Variants in UBE3D observed in about 807,000 individuals in gnomAD.
The protein encoded by UBE3D is E3 ubiquitin-protein ligase E3D.
Under a neutral mutation model 49.6 loss-of-function variants are expected in UBE3D, and 48 were observed. The observed-to-expected ratio is 0.97, with a 90% CI of 0.77 to 1.23. UBE3D has a LOEUF of 1.23. Ranked by LOEUF, UBE3D falls within the 50% of genes most tolerant of loss-of-function variation. The pLI is 0.00. For synonymous variants in UBE3D, 189 were observed against 174.2 expected (o/e 1.08, Z -0.67); for missense variants, 452 against 468.4 (o/e 0.96, Z 0.32).
chr6:83,038,564 A>C, intron 4 of UBE3D, 79 bp from the exon 5 acceptor site: 1 of 1,229,838 alleles, frequency 8.1e-7, no homozygotes, highest in South Asian at 1.3e-5. Context: ...TAGTCCCCAG[A>C]GTATACATTG....
intron 5 of UBE3D, chr6:83,032,227 T>A (rs935149015): frequency 1.3e-5 from 6 of 456,052 alleles, no homozygotes; most frequent in African/African-American, 1.2e-4. Flanking sequence ...TGAAAGAAGC[T>A]GGGTGGGGCC....
intron 8 of UBE3D, among the ~76,000 whole-genome samples, chr6:83,000,749 A>G (rs1384239036): frequency 1.3e-5 from 2 of 151,098 alleles, no homozygotes; most frequent in East Asian, 3.9e-4. Flanking sequence ...TGACCTTCCC[A>G]TCCCTTGTAC....
chr6:83,023,930 A>C, intron 6 of UBE3D, 39 bp downstream of exon 6: 4 of 1,362,536 alleles, frequency 2.9e-6, no homozygotes, highest in Non-Finnish European at 4.0e-6. Flanking sequence ...GGGGAAAAAA[A>C]TAAATTACAA....
chr6:82,883,418 A>G, the UBE3D span, among the ~76,000 whole-genome samples: 1 of 152,176 alleles, frequency 6.6e-6, no homozygotes, highest in Non-Finnish European at 1.5e-5. Context: ...AATGAAGCCA[A>G]CATTTACTGA....
chr6:82,912,426 A>C (rs1397859558), intron 9 of UBE3D, among the ~76,000 whole-genome samples: 1 of 152,042 alleles, frequency 6.6e-6, no homozygotes, highest in Admixed American at 6.6e-5. Flanking sequence ...TCTTTGAGCT[A>C]TTAAACTGGA....
At chr6:82,882,020 C>A in the UBE3D span, among the ~76,000 whole-genome samples, 1 of 152,270 alleles carries the variant, frequency 6.6e-6, no homozygotes, top group Non-Finnish European at 1.5e-5. Context: ...TTTGTCCCTG[C>A]TGCTGCTCTC....
At chr6:82,938,787 A>G (rs1334225416) in intron 9 of UBE3D, 2 of 152,136 alleles carry the variant, frequency 1.3e-5, no homozygotes, top group African/African-American at 4.8e-5. Context: ...GCTCTACTTC[A>G]GGGCTATTGA....
intron 8 of UBE3D, among the ~76,000 whole-genome samples, chr6:82,982,393 C>G (rs1321499987): frequency 6.6e-6 from 1 of 152,146 alleles, no homozygotes; most frequent in Non-Finnish European, 1.5e-5. Context: ...CTTTGAGATC[C>G]AAATAAGGTC....
intron 2 of UBE3D, among the ~76,000 whole-genome samples, chr6:83,056,686 A>G (rs941635522): frequency 1.3e-5 from 2 of 152,120 alleles, no homozygotes; most frequent in African/African-American, 4.8e-5. Flanking sequence ...AACCCTCTCT[A>G]TCTTCTCTTT....
rs539361097 is a variant in UBE3D at position 82,960,502 on chromosome 6, A to G, written c.1011-3052T>C. On this transcript the variant is annotated intron_variant, in intron 8 of 9. Coordinates refer to ENST00000369747, the MANE Select transcript of UBE3D (RefSeq NM_198920.3). ...TATTCATCCTGTGAGACCCACTTAC[A>G]TATCATTTCTTAGAGATATTGTCCT... Among the ~76,000 whole-genome samples the G allele has an allele frequency of 2.0e-4, 31 of 151,974 alleles. 1 individual carries two copies. The South Asian group carries it at 6.3e-3, about 31-fold the overall frequency.
intron 8 of UBE3D, among the ~76,000 whole-genome samples, chr6:83,013,438 T>C (rs2127762141): frequency 6.6e-6 from 1 of 152,282 alleles, no homozygotes; most frequent in East Asian, 1.9e-4. Flanking sequence ...CACCATTGGA[T>C]CTGCTGGGTT....
downstream of UBE3D, among the ~76,000 whole-genome samples, chr6:82,888,674 G>C (rs1390587130): frequency 6.6e-6 from 1 of 152,044 alleles, no homozygotes; most frequent in Admixed American, 6.6e-5. Context: ...CTAGAATAAG[G>C]GTGGCCTTGA....
chr6:82,922,166 G>A (rs756696373), intron 9 of UBE3D, among the ~76,000 whole-genome samples: 2 of 152,098 alleles, frequency 1.3e-5, no homozygotes, highest in Non-Finnish European at 2.9e-5. Flanking sequence ...AGATGAAATG[G>A]ACAAATCCCT....
intron 9 of UBE3D, among the ~76,000 whole-genome samples, chr6:82,923,151 C>A (rs766983352): frequency 2.6e-5 from 4 of 152,164 alleles, no homozygotes; most frequent in Non-Finnish European, 5.9e-5. Context: ...GACAGTGTGG[C>A]AATTCCTCAA....
chr6:82,910,639 C>A (rs1382952434), intron 9 of UBE3D, among the ~76,000 whole-genome samples: 2 of 152,218 alleles, frequency 1.3e-5, no homozygotes, highest in Non-Finnish European at 2.9e-5. Context: ...TGTCACAGAG[C>A]AGCATTCCAG....
At chr6:82,902,927 A>C (rs1279360091) in intron 9 of UBE3D, among the ~76,000 whole-genome samples, 2 of 152,208 alleles carry the variant, frequency 1.3e-5, no homozygotes, top group Non-Finnish European at 2.9e-5. Context: ...TTATAAGTGA[A>C]GACTCAAAGG....
chr6:82,894,782 C>T (rs531713303), intron 9 of UBE3D, among the ~76,000 whole-genome samples: 1 of 152,260 alleles, frequency 6.6e-6, no homozygotes, highest in Non-Finnish European at 1.5e-5. Context: ...TGACTTAGGG[C>T]TCACTGTGGG....
intron 9 of UBE3D, among the ~76,000 whole-genome samples, chr6:82,911,214 A>AAAAC (rs1772491486): frequency 2.7e-5 from 4 of 148,432 alleles, no homozygotes; most frequent in African/African-American, 1.0e-4. Flanking sequence ...AAAAAAAAAA[A>AAAAC]AAAAAAAAAC....
chr6:82,970,662 A>G (rs901431656), intron 8 of UBE3D, among the ~76,000 whole-genome samples: 1 of 151,950 alleles, frequency 6.6e-6, no homozygotes, highest in African/African-American at 2.4e-5. Context: ...ACACAGTGAA[A>G]CCCCATCTCT....
Sources: gnomAD v4.1 joint callset for allele counts (sites outside exome capture counted in the v4.1 genomes callset) on GRCh38, gnomAD v4.1.1 for gene constraint, MANE v1.5 for transcripts, NCBI Gene and HGNC (gene_info 2026-07-23, HGNC 2026-07-21) for gene names.